Variants in CLEC16A observed in about 807,000 individuals in gnomAD.
The protein encoded by CLEC16A is protein CLEC16A.
CLEC16A carries 51 observed loss-of-function variants against 109.5 expected under a neutral mutation model. That is an observed-to-expected ratio of 0.47 (90% CI 0.37 to 0.59). CLEC16A has a LOEUF of 0.59. Ranked by LOEUF, CLEC16A falls within the 20% of genes least tolerant of loss-of-function variation. The pLI, the probability that CLEC16A is intolerant of heterozygous loss-of-function variation, is 0.00. For synonymous variants in CLEC16A, 673 were observed against 564.2 expected (o/e 1.19, Z -2.73); for missense variants, 1,339 against 1,394.0 (o/e 0.96, Z 0.63).
intron 19 of CLEC16A, among the ~76,000 whole-genome samples, chr16:11,072,589 G>T (rs557755821): frequency 1.3e-5 from 2 of 152,304 alleles, no homozygotes; most frequent in African/African-American, 4.8e-5. Context: ...TTTAACTCCT[G>T]CTGTGTGACC....
intron 22 of CLEC16A, among the ~76,000 whole-genome samples, chr16:11,143,152 C>T (rs1056688249): frequency 3.3e-5 from 5 of 152,184 alleles, no homozygotes; most frequent in African/African-American, 1.2e-4. Context: ...GTGTGCCACG[C>T]CCTGTGCTTG....
intron 23 of CLEC16A, among the ~76,000 whole-genome samples, chr16:11,175,693 A>G (rs1399271288): frequency 6.6e-6 from 1 of 152,196 alleles, no homozygotes; most frequent in Admixed American, 6.5e-5. Flanking sequence ...GGGGAAACCA[A>G]CCCTTTTAAT....
At chr16:10,971,948 T>C (rs2042810400) in intron 5 of CLEC16A, among the ~76,000 whole-genome samples, 1 of 152,182 alleles carries the variant, frequency 6.6e-6, no homozygotes, top group Non-Finnish European at 1.5e-5. Context: ...AGCCAAAATG[T>C]TATTACTCCC....
chr16:11,111,728 A>G (rs2051599719), intron 19 of CLEC16A, among the ~76,000 whole-genome samples: 1 of 152,176 alleles, frequency 6.6e-6, no homozygotes, highest in Non-Finnish European at 1.5e-5. Context: ...TCCTCTTTTT[A>G]TCAAAAGAGC....
chr16:11,179,731 C>G lies in CLEC16A; in HGVS notation c.*1041C>G, dbSNP rs202104538. ...ACCTGCCCTCGACTGTGTGTGCCCA[C>G]ATGTGCCGAGAGATGGCCCAGAGCC... On this transcript the variant is annotated 3_prime_UTR_variant, in exon 24 of 24. Coordinates refer to ENST00000409790, the MANE Select transcript of CLEC16A (RefSeq NM_015226.3). 2 of 152,342 alleles carry G rather than the reference C, an allele frequency of 1.3e-5. No homozygotes were observed. Among genetic ancestry groups the G allele is most frequent in the Non-Finnish European group, 2.9e-5 (2 of 68,138 alleles). 9.4% of individuals were successfully genotyped at this position (152,342 alleles called of 1,614,324 possible). A position where few individuals can be genotyped will look rare whatever the true frequency, so the allele number is the denominator to read the frequency against.
chr16:11,121,310 A>G (rs1266706018), intron 20 of CLEC16A, among the ~76,000 whole-genome samples: 3 of 152,176 alleles, frequency 2.0e-5, no homozygotes, highest in Non-Finnish European at 4.4e-5. Flanking sequence ...GTTTTCTGCT[A>G]TTTCAGCAGA....
rs966956699 is a variant in CLEC16A at position 11,027,627 on chromosome 16, A to G, written c.1537+2706A>G. 6.4e-6 allele frequency: 10 copies of G among 1,558,182 alleles called. No individual in the cohort carries two copies. The Admixed American group carries it at 1.0e-4, about 16-fold the overall frequency. On this transcript the variant is annotated intron_variant, in intron 13 of 23. Transcript: ENST00000409790. ...ATTCCCAGGGAAGCATTTCCAGGAGATCTCATGGTTCTTGCGCCCTTTCCA... is the reference window on the plus strand; with the variant it reads ...ATTCCCAGGGAAGCATTTCCAGGAGGTCTCATGGTTCTTGCGCCCTTTCCA...
intron 19 of CLEC16A, among the ~76,000 whole-genome samples, chr16:11,064,491 C>T (rs975928298): frequency 3.9e-5 from 6 of 152,182 alleles, no homozygotes; most frequent in African/African-American, 1.4e-4. Flanking sequence ...TGAAATGGTT[C>T]TAGGGCTGGA....
chr16:11,162,353 T>G (rs1005394775), intron 22 of CLEC16A, among the ~76,000 whole-genome samples: 1 of 152,252 alleles, frequency 6.6e-6, no homozygotes, highest in African/African-American at 2.4e-5. Context: ...AGAACAGATC[T>G]CAGGAGGATG....
At chr16:10,967,068 G>A (rs1451613088) in intron 3 of CLEC16A, among the ~76,000 whole-genome samples, 6 of 152,298 alleles carry the variant, frequency 3.9e-5, no homozygotes, top group South Asian at 2.1e-4. Context: ...ATGAGCAGGC[G>A]ATTTTGAAAA....
At chr16:11,157,851 A>G (rs1032482862) in intron 22 of CLEC16A, among the ~76,000 whole-genome samples, 11 of 152,064 alleles carry the variant, frequency 7.2e-5, no homozygotes, top group African/African-American at 2.7e-4. Flanking sequence ...GTAGCCCCCC[A>G]CTGAGTAGCT....
chr16:11,045,808 C>G (rs1305204590), intron 16 of CLEC16A, among the ~76,000 whole-genome samples: 2 of 152,198 alleles, frequency 1.3e-5, no homozygotes, highest in Non-Finnish European at 1.5e-5. Context: ...TATTCAAGCC[C>G]TCTTTAAGCT....
chr16:11,116,181 G>A (rs1014318585), intron 19 of CLEC16A, among the ~76,000 whole-genome samples: 1 of 151,890 alleles, frequency 6.6e-6, no homozygotes, highest in Admixed American at 6.6e-5. Flanking sequence ...CTTGAGGCCA[G>A]GAGTTTGAGA....
At chr16:11,102,093 G>A (rs994276282) in intron 19 of CLEC16A, among the ~76,000 whole-genome samples, 1 of 151,462 alleles carries the variant, frequency 6.6e-6, no homozygotes, top group Non-Finnish European at 1.5e-5. Flanking sequence ...GATTATAGGT[G>A]TGAGCCACCG....
At chr16:11,160,940 C>A (rs1487556630) in intron 22 of CLEC16A, among the ~76,000 whole-genome samples, 2 of 152,160 alleles carry the variant, frequency 1.3e-5, no homozygotes, top group African/African-American at 2.4e-5. Flanking sequence ...TCCAGGAAAT[C>A]CCACATGCCA....
chr16:11,047,492 G>A (rs770478109), intron 17 of CLEC16A, 150 bp downstream of exon 17: 1 of 447,960 alleles, frequency 2.2e-6, no homozygotes, highest in Non-Finnish European at 3.9e-6. Flanking sequence ...ATGGTGTCTT[G>A]TGATCCCCAC....
Position 10,955,638 on chromosome 16 carries a change from C to A in CLEC16A, c.81-2144C>A, listed in dbSNP as rs985798678. Among the ~76,000 whole-genome samples the A allele has an allele frequency of 2.6e-5, 4 of 152,164 alleles. No individual in the cohort carries two copies. In the East Asian group the frequency reaches 5.8e-4, roughly 22 times the overall value. The stretch of plus-strand genomic sequence containing the variant: ...TGTGGTCCTAAAGAATTTAAAATTT[C>A]TTCTTCTTGTTGGGGATCTTCAGAG... On this transcript the variant is annotated intron_variant, in intron 1 of 23. Coordinates refer to ENST00000409790, the MANE Select transcript of CLEC16A (RefSeq NM_015226.3).
chr16:11,049,112 A>T (rs1459779731), intron 17 of CLEC16A, among the ~76,000 whole-genome samples: 2 of 151,820 alleles, frequency 1.3e-5, no homozygotes, highest in Admixed American at 6.6e-5. Context: ...GGTTCAAGCA[A>T]TTCTCCTGCC....
Position 10,961,731 on chromosome 16 carries a change from A to T in CLEC16A, c.210-724A>T, listed in dbSNP as rs1193505894. 6.6e-6 allele frequency among the ~76,000 whole-genome samples: 1 copy of T among 152,086 alleles called. No individual in the cohort carries two copies. Among genetic ancestry groups the T allele is most frequent in the Non-Finnish European group, 1.5e-5 (1 of 68,014 alleles). On this transcript the variant is annotated intron_variant, in intron 2 of 23. Transcript: ENST00000409790. This position sits in a 1 kb window ranked among gnomAD's most constrained non-coding sequence, Gnocchi z 4.3. ...AGTTATTTTCCCCTAGAACTTGACAATTTGGGAGCCACAGTACATTTGGTT... is the reference window on the plus strand; with the variant it reads ...AGTTATTTTCCCCTAGAACTTGACATTTTGGGAGCCACAGTACATTTGGTT...
Sources: allele counts gnomAD v4.1 joint callset (sites outside exome capture counted in the v4.1 genomes callset), GRCh38; gene constraint gnomAD v4.1.1; non-coding constraint Gnocchi (gnomAD v3.1); transcripts MANE v1.5; gene names NCBI Gene and HGNC (gene_info 2026-07-23, HGNC 2026-07-21).